The following DNAJC15 variants were observed in gnomAD, a reference collection of about 807,000 sequenced individuals.
DNAJC15 encodes the protein DnaJ heat shock protein family (Hsp40) member C15.
DNAJC15 carries 27 observed loss-of-function variants against 22.4 expected under a neutral mutation model. The observed-to-expected ratio is 1.20, with a 90% CI of 0.89 to 1.66. DNAJC15 has a LOEUF of 1.66. Among genes scored for constraint, DNAJC15 ranks in the 40% most tolerant of loss-of-function variants. The pLI, the probability that DNAJC15 is intolerant of heterozygous loss-of-function variation, is 0.00. For missense variants in DNAJC15, 208 were observed against 187.1 expected, an observed-to-expected ratio of 1.11 and a Z score of -0.65; for synonymous variants, 79 against 63.2, an observed-to-expected ratio of 1.25 and a Z score of -1.19.
At position 43,065,669 on chromosome 13, in the gene DNAJC15, C is replaced by T. The variant is rs763139084; in HGVS notation, c.109-17C>T. 6.2e-7 allele frequency: 1 copy of T among 1,606,576 alleles called. No homozygotes were observed. The highest frequency in any genetic ancestry group is 8.5e-7 in the Non-Finnish European group (1 of 1,174,760). Reference sequence around the variant, plus strand: ...AGCATGTTACATCATAAGTAATATTCATTTTTTCTTCCATAGGTAAGAAGT... The same window carrying T: ...AGCATGTTACATCATAAGTAATATTTATTTTTTCTTCCATAGGTAAGAAGT... On this transcript the variant is annotated splice_polypyrimidine_tract_variant and intron_variant, in intron 1 of 5. Transcript: ENST00000379221.
rs371343382 is a variant in DNAJC15, at chr13:43,023,590, A to C, written c.-37A>C. On this transcript the variant is annotated 5_prime_UTR_variant, in exon 1 of 6. Coordinates refer to ENST00000379221, the MANE Select transcript of DNAJC15 (RefSeq NM_013238.3). ...TTGTCCCTACGGCCGCCTCGTAGTC[A>C]CTGCCGCGGCGCCTTGAGTCTCCGG... The C allele has an allele frequency of 1.3e-6, 2 of 1,572,240 alleles. No homozygotes were observed. Among genetic ancestry groups the C allele is most frequent in the African/African-American group, 2.7e-5 (2 of 73,746 alleles).
chr13:43,024,336 CGTTTTTTT>C (rs2040368562), intron 1 of DNAJC15, among the ~76,000 whole-genome samples: 2 of 93,910 alleles, frequency 2.1e-5, no homozygotes, highest in South Asian at 9.1e-4. Flanking sequence ...CGTATTTTTA[CGTTTTTTT>C]TTTTTTTTTT....
At chr13:43,085,294 G>C (rs1343626366) in intron 4 of DNAJC15, among the ~76,000 whole-genome samples, 1 of 149,602 alleles carries the variant, frequency 6.7e-6, no homozygotes, top group Admixed American at 6.7e-5. Flanking sequence ...CTGGGAGGTG[G>C]AGGTTGCAGT....
chr13:43,091,021 G>A (rs1246784589), intron 5 of DNAJC15, among the ~76,000 whole-genome samples: 1 of 152,006 alleles, frequency 6.6e-6, no homozygotes, highest in African/African-American at 2.4e-5. Flanking sequence ...AGCCATCTGG[G>A]CTTGGAGACT....
chr13:43,025,909 A>C (rs2040378684), intron 1 of DNAJC15, among the ~76,000 whole-genome samples: 1 of 152,234 alleles, frequency 6.6e-6, no homozygotes, highest in Admixed American at 6.5e-5. Context: ...GTCTCAAAAA[A>C]AAGAAAATAA....
rs1593316805 is a variant in DNAJC15 at position 43,057,574 on chromosome 13, C to T, written c.109-8112C>T. 3.3e-5 allele frequency among the ~76,000 whole-genome samples: 5 copies of T among 152,226 alleles called. No individual in the cohort carries two copies. The South Asian group carries it at 8.3e-4, about 25-fold the overall frequency. ...GTGCCTCCTTGAGTAACATAATAAT[C>T]GACCTTCTGAAATCTTTATCTGACA... is the stretch of plus-strand genomic sequence containing the variant. On this transcript the variant is annotated intron_variant, in intron 1 of 5. Coordinates refer to ENST00000379221, the MANE Select transcript of DNAJC15 (RefSeq NM_013238.3).
chr13:43,093,264 T>C, intron 5 of DNAJC15, among the ~76,000 whole-genome samples: 1 of 152,144 alleles, frequency 6.6e-6, no homozygotes, highest in East Asian at 1.9e-4. Context: ...TGCAAAGTAA[T>C]TTTTTTGAAT....
At chr13:43,084,858 C>CAT (rs1347740185) in intron 4 of DNAJC15, among the ~76,000 whole-genome samples, 3 of 152,076 alleles carry the variant, frequency 2.0e-5, no homozygotes, top group Admixed American at 2.0e-4. Context: ...AACTATGAGA[C>CAT]ATAAAGAGTT....
chr13:43,077,853 T>A (rs2040641374), intron 3 of DNAJC15, among the ~76,000 whole-genome samples: 2 of 152,238 alleles, frequency 1.3e-5, no homozygotes, highest in African/African-American at 2.4e-5. Flanking sequence ...ATCTAACCAC[T>A]TTTATCACCT....
At chr13:43,093,474 G>T (rs971737482) in intron 5 of DNAJC15, among the ~76,000 whole-genome samples, 1 of 152,156 alleles carries the variant, frequency 6.6e-6, no homozygotes, top group African/African-American at 2.4e-5. Flanking sequence ...GCAGTGGTGT[G>T]ATCACAGCTC....
At chr13:43,080,541 TACTA>T (rs1429082410) in intron 4 of DNAJC15, among the ~76,000 whole-genome samples, 2 of 152,246 alleles carry the variant, frequency 1.3e-5, no homozygotes, top group African/African-American at 4.8e-5. Flanking sequence ...ACATGGTACT[TACTA>T]ACTACTCAAT....
At chr13:43,102,474 C>T (rs945867775) in intron 5 of DNAJC15, among the ~76,000 whole-genome samples, 1 of 152,064 alleles carries the variant, frequency 6.6e-6, no homozygotes, top group East Asian at 1.9e-4. Flanking sequence ...AACTTATTGA[C>T]ATGATTATGT....
At chr13:43,048,777 C>T (rs1050103468) in intron 1 of DNAJC15, among the ~76,000 whole-genome samples, 2 of 152,112 alleles carry the variant, frequency 1.3e-5, no homozygotes, top group Admixed American at 6.5e-5. Context: ...ATAGAAAGAT[C>T]AGCTTGTTCT....
rs572902289 is a variant in DNAJC15, at chr13:43,075,919, G to A, written c.235-2693G>A. 1.9e-4 allele frequency among the ~76,000 whole-genome samples: 29 copies of A among 152,176 alleles called. No individual in the cohort carries two copies. In the South Asian group the frequency reaches 5.8e-3, roughly 30 times the overall value. On this transcript the variant is annotated intron_variant, in intron 3 of 5. Coordinates refer to ENST00000379221, the MANE Select transcript of DNAJC15 (RefSeq NM_013238.3). ...GAGGTGATCCGCCCGCCTCAGCCTC[G>A]CAAAGTGCTGGGATTACAGGCGTGA...
intron 5 of DNAJC15, among the ~76,000 whole-genome samples, chr13:43,101,761 A>G (rs775991149): frequency 4.9e-4 from 75 of 152,148 alleles, no homozygotes; most frequent in Admixed American, 9.8e-4. Context: ...AAATGCCATT[A>G]TTTTATTTCT....
At position 43,107,207 on chromosome 13, in the gene DNAJC15, A is replaced by G; in HGVS notation, c.412A>G (p.Asn138Asp). The G allele has an allele frequency of 6.3e-7, 1 of 1,597,010 alleles. No homozygotes were observed. ...ATCTCCTTACGTAGCAGCCAAAATA[A>G]ATGAAGCAAAAGACTTGCTAGAAAC... Reference protein sequence around the residue: ...GGSPYVAAKINEAKDLLETTT... With the variant: ...GGSPYVAAKIDEAKDLLETTT... The change falls in exon 6 of 6, where the codon AAT (asparagine) becomes GAT (aspartate). Residue 138 changes from asparagine to aspartate, a missense_variant. Transcript: ENST00000379221.
intron 1 of DNAJC15, among the ~76,000 whole-genome samples, chr13:43,060,624 G>A (rs985946625): frequency 3.3e-5 from 5 of 152,142 alleles, no homozygotes; most frequent in East Asian, 1.9e-4. Context: ...ACAGTAAGTC[G>A]AGGCCTTGGT....
At chr13:43,078,876 A>C in intron 4 of DNAJC15, 188 bp downstream of exon 4, 1 of 413,952 alleles carries the variant, frequency 2.4e-6, no homozygotes. Flanking sequence ...AACAAAACAA[A>C]ACAAAACAAA....
chr13:43,075,032 C>T (rs759428196), intron 3 of DNAJC15, among the ~76,000 whole-genome samples: 14 of 152,146 alleles, frequency 9.2e-5, no homozygotes, highest in Non-Finnish European at 2.1e-4. Flanking sequence ...GGTCCTGGAA[C>T]CAGTCACCCA....
Sources: gnomAD v4.1 joint callset for allele counts (sites outside exome capture counted in the v4.1 genomes callset) on GRCh38, gnomAD v4.1.1 for gene constraint, MANE v1.5 for transcripts, NCBI Gene and HGNC (gene_info 2026-07-23, HGNC 2026-07-21) for gene names.